The following ALKBH3 variants were observed in gnomAD, a reference collection of about 807,000 sequenced individuals.
ALKBH3 encodes alpha-ketoglutarate-dependent dioxygenase alkB homolog 3.
Under a neutral mutation model 43.9 loss-of-function variants are expected in ALKBH3, and 51 were observed. The observed-to-expected ratio is 1.16, with a 90% CI of 0.93 to 1.47. The LOEUF (loss-of-function observed/expected upper bound fraction) is 1.47, where lower values mean the gene tolerates loss of function less well. Ranked by LOEUF, ALKBH3 falls within the 40% of genes most tolerant of loss-of-function variation. ALKBH3 has a pLI of 0.00. For synonymous variants in ALKBH3, 102 were observed against 115.2 expected (o/e 0.89, Z 0.73); for missense variants, 361 against 351.9 (o/e 1.03, Z -0.21).
At position 43,919,149 on chromosome 11, in the gene ALKBH3, A is replaced by G. The variant is rs1349759808; in HGVS notation, c.768+13A>G. The G allele has an allele frequency of 1.8e-5, 29 of 1,593,956 alleles. No individual in the cohort carries two copies. Among genetic ancestry groups the G allele is most frequent in the Non-Finnish European group, 2.2e-5 (25 of 1,162,118 alleles). On this transcript the variant is annotated intron_variant, in intron 9 of 9. Transcript: ENST00000302708. ...AGCTGACTGGCAGGTGAGGATCTGC[A>G]AGTAATATGAATCTGCTTTCATGTG...
At chr11:43,899,206 C>CA in intron 7 of ALKBH3, 1 of 769,422 alleles carries the variant, frequency 1.3e-6, no homozygotes, top group East Asian at 2.6e-5. Context: ...AGCTCATAGA[C>CA]AAAGTCTGGC....
rs1455692746 is a variant in ALKBH3, at chr11:43,883,975, C to T, written c.184-8C>T. 1.9e-6 allele frequency: 3 copies of T among 1,613,634 alleles called. No homozygotes were observed. Among genetic ancestry groups the T allele is most frequent in the East Asian group, 2.2e-5 (1 of 44,796 alleles). On this transcript the variant is annotated splice_region_variant and splice_polypyrimidine_tract_variant and intron_variant, in intron 3 of 9. Coordinates refer to ENST00000302708, the MANE Select transcript of ALKBH3 (RefSeq NM_139178.4). ...TCCCAGAAGTAAGATCCGCCTATTT[C>T]CTTGCAGGTAGTACGTAGAGCTCCT...
chr11:43,904,772 G>A (rs187029704), intron 8 of ALKBH3, among the ~76,000 whole-genome samples: 119 of 152,196 alleles, frequency 7.8e-4, no homozygotes, highest in Middle Eastern at 3.4e-3. Flanking sequence ...ATAAACTCAG[G>A]TGATGAGAAC....
chr11:43,907,663 C>G (rs372104980), intron 8 of ALKBH3, among the ~76,000 whole-genome samples: 1 of 151,976 alleles, frequency 6.6e-6, no homozygotes, highest in Non-Finnish European at 1.5e-5. Context: ...GCTGTCTCAC[C>G]GAGGCAGAGA....
chr11:43,884,692 G>A (rs1287192650), intron 4 of ALKBH3, among the ~76,000 whole-genome samples: 2 of 152,166 alleles, frequency 1.3e-5, no homozygotes, highest in Non-Finnish European at 2.9e-5. Flanking sequence ...CTGTTTGACT[G>A]CTTGCAGATT....
chr11:43,902,627 A>T lies in ALKBH3; in HGVS notation c.669+902A>T, dbSNP rs145977567. ...GCTTGTTTTTTAGAGAGGGAGTCTC[A>T]CTCTGTCGCCCAGGCTGGAGTGCAA... On this transcript the variant is annotated intron_variant, in intron 8 of 9. Coordinates refer to ENST00000302708, the MANE Select transcript of ALKBH3 (RefSeq NM_139178.4). 1.2e-3 allele frequency among the ~76,000 whole-genome samples: 184 copies of T among 152,216 alleles called. 1 individual carries two copies. The highest frequency in any genetic ancestry group is 4.0e-3 in the African/African-American group (167 of 41,534).
At chr11:43,888,864 G>A (rs1202592065) in intron 5 of ALKBH3, among the ~76,000 whole-genome samples, 1 of 152,196 alleles carries the variant, frequency 6.6e-6, no homozygotes, top group Non-Finnish European at 1.5e-5. Context: ...AGCTGCGTTG[G>A]CATTGTTGAA....
chr11:43,882,292 G>A (rs12806569), intron 1 of ALKBH3, among the ~76,000 whole-genome samples: 27,745 of 152,208 alleles, frequency 0.18, 2,831 homozygotes, highest in South Asian at 0.33. Context: ...TACTCTTGGG[G>A]ACTATTAAGA....
chr11:43,907,668 C>T (rs1189334736), intron 8 of ALKBH3, among the ~76,000 whole-genome samples: 1 of 152,100 alleles, frequency 6.6e-6, no homozygotes, highest in Non-Finnish European at 1.5e-5. Context: ...CTCACCGAGG[C>T]AGAGAAGAGC....
intron 8 of ALKBH3, chr11:43,909,578 A>C (rs1590378912): frequency 2.0e-5 from 3 of 152,228 alleles, no homozygotes; most frequent in Non-Finnish European, 4.4e-5. Flanking sequence ...GCATAGCCAT[A>C]AGTTGGGCAA....
Position 43,892,149 on chromosome 11 carries a change from T to A in ALKBH3, c.459+20T>A. The A allele has an allele frequency of 6.4e-7, 1 of 1,569,898 alleles. No homozygotes were observed. The highest frequency in any genetic ancestry group is 8.8e-7 in the Non-Finnish European group (1 of 1,139,896). Reference sequence around the variant, plus strand: ...CCTCACGTATGTCAACATATTGTCATTGGTATGGTTTTATAGACTATATAC... The same window carrying A: ...CCTCACGTATGTCAACATATTGTCAATGGTATGGTTTTATAGACTATATAC... On this transcript the variant is annotated intron_variant, in intron 7 of 9. Coordinates refer to ENST00000302708, the MANE Select transcript of ALKBH3 (RefSeq NM_139178.4).
intron 8 of ALKBH3, among the ~76,000 whole-genome samples, chr11:43,917,102 A>G (rs1951989624): frequency 2.6e-5 from 4 of 152,202 alleles, no homozygotes; most frequent in South Asian, 2.1e-4. Flanking sequence ...GGTATGGCTA[A>G]TGGTTATGTT....
intron 8 of ALKBH3, among the ~76,000 whole-genome samples, chr11:43,911,993 C>T (rs1399629500): frequency 3.3e-5 from 5 of 151,960 alleles, no homozygotes; most frequent in East Asian, 3.9e-4. Flanking sequence ...CGTGGTGGTG[C>T]GCGCCTGTAA....
chr11:43,901,267 A>G (rs1280974358), intron 7 of ALKBH3, among the ~76,000 whole-genome samples: 2 of 152,268 alleles, frequency 1.3e-5, no homozygotes, highest in African/African-American at 2.4e-5. Context: ...TCTGGTCCTC[A>G]TGATATTGCT....
At chr11:43,885,439 A>C (rs561240792) in intron 4 of ALKBH3, among the ~76,000 whole-genome samples, 3 of 152,244 alleles carry the variant, frequency 2.0e-5, no homozygotes, top group Non-Finnish European at 4.4e-5. Flanking sequence ...GCTGAAAGGC[A>C]CTCATACATC....
intron 4 of ALKBH3, among the ~76,000 whole-genome samples, chr11:43,885,122 G>A (rs1347606880): frequency 6.6e-6 from 1 of 152,156 alleles, no homozygotes; most frequent in Admixed American, 6.5e-5. Flanking sequence ...ACAAAACCAT[G>A]AAACATGTTG....
At chr11:43,884,995 A>G (rs530068673) in intron 4 of ALKBH3, among the ~76,000 whole-genome samples, 23 of 152,146 alleles carry the variant, frequency 1.5e-4, no homozygotes, top group African/African-American at 5.3e-4. Context: ...GGCTGAAATG[A>G]TCCTCCCACC....
At chr11:43,887,394 A>C (rs1330000371) in intron 5 of ALKBH3, among the ~76,000 whole-genome samples, 1 of 151,900 alleles carries the variant, frequency 6.6e-6, no homozygotes, top group Non-Finnish European at 1.5e-5. Flanking sequence ...TGTAACCTCT[A>C]CCTCCTGGGT....
chr11:43,888,346 G>A (rs61883995), intron 5 of ALKBH3, among the ~76,000 whole-genome samples: 5 of 23,942 alleles, frequency 2.1e-4, no homozygotes, highest in Non-Finnish European at 2.8e-4. Context: ...CAAGTGATCT[G>A]CCCGCCTTGG....
Sources: gnomAD v4.1 joint callset for allele counts (sites outside exome capture counted in the v4.1 genomes callset) on GRCh38, gnomAD v4.1.1 for gene constraint, MANE v1.5 for transcripts, NCBI Gene and HGNC (gene_info 2026-07-23, HGNC 2026-07-21) for gene names.